The following COX7A2L variants were observed in gnomAD, a reference collection of about 807,000 sequenced individuals.
The protein encoded by COX7A2L is cytochrome c oxidase subunit 7A2-like, mitochondrial.
In COX7A2L, 18 loss-of-function variants were observed where a neutral mutation model predicts 14.2. The observed-to-expected ratio is 1.27, with a 90% CI of 0.88 to 1.88. The LOEUF is 1.88. Among genes scored for constraint, COX7A2L ranks in the 40% most tolerant of loss-of-function variants. The pLI is 0.00. For missense variants in COX7A2L, 179 were observed against 138.8 expected, an observed-to-expected ratio of 1.29 and a Z score of -1.46; for synonymous variants, 65 against 57.4, an observed-to-expected ratio of 1.13 and a Z score of -0.60.
At chr2:42,346,848 T>C (rs1252909139), downstream of COX7A2L, among the ~76,000 whole-genome samples, 2 of 152,208 alleles carry the variant, frequency 1.3e-5, no homozygotes, top group Non-Finnish European at 2.9e-5. Context: ...TAAAGTTAAA[T>C]TATATTTCCT....
At chr2:42,340,882 G>A (rs555893241) in intron 2 of COX7A2L, among the ~76,000 whole-genome samples, 1 of 152,204 alleles carries the variant, frequency 6.6e-6, no homozygotes, top group Non-Finnish European at 1.5e-5. Flanking sequence ...CAGAAGGAAT[G>A]ATTTGTGCTT....
At chr2:42,360,989 C>T (rs1190276778) in intron 1 of COX7A2L, 101 bp downstream of exon 1, 33 of 1,278,314 alleles carry the variant, frequency 2.6e-5, no homozygotes, top group Non-Finnish European at 2.9e-5. Context: ...ACGAACTCGA[C>T]CGCGGGCAGA....
chr2:42,343,061 C>T (rs1670431787), intron 2 of COX7A2L, among the ~76,000 whole-genome samples: 1 of 152,202 alleles, frequency 6.6e-6, no homozygotes, highest in African/African-American at 2.4e-5. Context: ...TCACTGCTCT[C>T]GTTCACGTCA....
At chr2:42,349,052 T>C (rs1193932265), downstream of COX7A2L, among the ~76,000 whole-genome samples, 1 of 152,230 alleles carries the variant, frequency 6.6e-6, no homozygotes, top group African/African-American at 2.4e-5. Flanking sequence ...GGAAACAGTC[T>C]GGCAGTTCCT....
At chr2:42,356,103 C>T (rs1670811213) in intron 1 of COX7A2L, among the ~76,000 whole-genome samples, 1 of 152,146 alleles carries the variant, frequency 6.6e-6, no homozygotes, top group Admixed American at 6.5e-5. Context: ...GATCCTGGCT[C>T]AGGAGCTATC....
chr2:42,367,544 C>T (rs1159023011), intron 1 of COX7A2L, among the ~76,000 whole-genome samples: 2 of 152,184 alleles, frequency 1.3e-5, no homozygotes, highest in African/African-American at 4.8e-5. Context: ...GAAGGCAAAT[C>T]TCCTCCTTAA....
exon 1 of COX7A2L, chr2:42,368,872 T>G (rs1022922644): frequency 3.3e-5 from 5 of 152,218 alleles, no homozygotes; most frequent in Admixed American, 3.3e-4. Flanking sequence ...ACTTACCAAG[T>G]CAATAACAAC....
chr2:42,353,429 G>A, intron 1 of COX7A2L, 86 bp from the exon 2 acceptor site: 2 of 1,547,424 alleles, frequency 1.3e-6, no homozygotes, highest in East Asian at 2.3e-5. Context: ...TCAACTACGA[G>A]AGAGCAAGAA....
At chr2:42,367,881 G>A (rs1328051906) in intron 1 of COX7A2L, among the ~76,000 whole-genome samples, 1 of 152,180 alleles carries the variant, frequency 6.6e-6, no homozygotes, top group Non-Finnish European at 1.5e-5. Flanking sequence ...AAACTGCAAG[G>A]CTACCGTGTC....
Position 42,353,242 on chromosome 2 carries a change from G to C in COX7A2L, c.174C>G (p.Asn58Lys). The change falls in exon 2 of 3, where the codon AAC becomes AAG. Residue 58 changes from asparagine (N) to lysine (K), a missense_variant. Asn to Lys is a moderately conservative substitution (Grantham distance 94, BLOSUM62 0). Transcript: ENST00000234301. Reference protein sequence around the residue: ...DSTVYDYAGKNKVPELQKFFQ... With the variant: ...DSTVYDYAGKKKVPELQKFFQ... ...AAAACTTTTGTAGCTCTGGAACTTT[G>C]TTTTTCCCAGCATAATCATACACTG... 1 of 1,614,034 alleles carries C rather than the reference G, an allele frequency of 6.2e-7. No homozygotes were observed. Among genetic ancestry groups the C allele is most frequent in the Non-Finnish European group, 8.5e-7 (1 of 1,179,982 alleles).
chr2:42,353,647 T>A (rs1481538995), intron 1 of COX7A2L, among the ~76,000 whole-genome samples: 1 of 152,144 alleles, frequency 6.6e-6, no homozygotes, highest in Non-Finnish European at 1.5e-5. Flanking sequence ...CTGTCTGCCA[T>A]TTTTTTCTTC....
intron 2 of COX7A2L, among the ~76,000 whole-genome samples, chr2:42,337,141 A>G (rs1670294391): frequency 6.6e-6 from 1 of 152,196 alleles, no homozygotes; most frequent in South Asian, 2.1e-4. Context: ...TTACTCATGC[A>G]CTGAAACCAT....
upstream of COX7A2L, among the ~76,000 whole-genome samples, chr2:42,362,863 CTTTTTTTT>C (rs529125372): frequency 7.4e-6 from 1 of 134,274 alleles, no homozygotes; most frequent in Non-Finnish European, 1.6e-5. Context: ...TAGTGATTTC[CTTTTTTTT>C]TTTTTTTTTT....
intron 2 of COX7A2L, among the ~76,000 whole-genome samples, chr2:42,343,122 G>T (rs936279450): frequency 6.6e-6 from 1 of 152,134 alleles, no homozygotes; most frequent in Non-Finnish European, 1.5e-5. Context: ...GGCCTGACCT[G>T]CTACCACCAA....
chr2:42,361,652 C>T (rs991403100), upstream of COX7A2L: 1 of 153,690 alleles, frequency 6.5e-6, no homozygotes, highest in Non-Finnish European at 1.5e-5. Flanking sequence ...GGAATTCCAC[C>T]ATCCGAGAGA....
At chr2:42,354,068 T>C (rs1449690826) in intron 1 of COX7A2L, among the ~76,000 whole-genome samples, 2 of 152,114 alleles carry the variant, frequency 1.3e-5, no homozygotes, top group Non-Finnish European at 2.9e-5. Context: ...AGGTTAATGG[T>C]TGCTTCAGGT....
At position 42,338,607 on chromosome 2, in the gene COX7A2L, C is replaced by T. The variant is rs1212518351; in HGVS notation, c.193-4738G>A. Reference sequence around the variant, plus strand: ...AACCAAGAATCCCCCCGATAGGACTCAGCCCCCACCAAGACCGTAGAGCCT... The same window carrying T: ...AACCAAGAATCCCCCCGATAGGACTTAGCCCCCACCAAGACCGTAGAGCCT... On this transcript the variant is annotated intron_variant, in intron 2 of 2. Coordinates refer to the COX7A2L transcript ENST00000468711. The surrounding 1 kb of genome is among the most constrained non-coding windows in gnomAD (Gnocchi z 4.4). Among the ~76,000 whole-genome samples the T allele has an allele frequency of 2.0e-5, 3 of 152,316 alleles. No individual in the cohort carries two copies. The highest frequency in any genetic ancestry group is 2.0e-4 in the Admixed American group (3 of 15,302).
rs1670581705 is a variant in COX7A2L, at chr2:42,349,786, G to C, written c.*1433C>G. ...ATAAAGGAACACATGTCCTTACTCA[G>C]AAGATACCTGCTAAAGTACTATGGC... On this transcript the variant is annotated 3_prime_UTR_variant, in exon 3 of 3. Transcript: ENST00000234301. The C allele has an allele frequency of 6.6e-6, 1 of 152,166 alleles. No homozygotes were observed. Among genetic ancestry groups the C allele is most frequent in the Non-Finnish European group, 1.5e-5 (1 of 68,034 alleles). 9.4% of individuals were successfully genotyped at this position (152,166 alleles called of 1,614,324 possible). A position where few individuals can be genotyped will look rare whatever the true frequency, so the allele number is the denominator to read the frequency against.
intron 2 of COX7A2L, among the ~76,000 whole-genome samples, chr2:42,343,423 A>C (rs1670437973): frequency 1.3e-5 from 2 of 152,212 alleles, no homozygotes; most frequent in Admixed American, 1.3e-4. Flanking sequence ...AAATGTCTAG[A>C]ATAACAGAGA....
Sources: allele counts gnomAD v4.1 joint callset (sites outside exome capture counted in the v4.1 genomes callset), GRCh38; gene constraint gnomAD v4.1.1; non-coding constraint Gnocchi (gnomAD v3.1); transcripts MANE v1.5; gene names NCBI Gene and HGNC (gene_info 2026-07-23, HGNC 2026-07-21).